ZNF385B: variants seen among roughly 807,000 people sequenced by gnomAD.
The protein encoded by ZNF385B is zinc finger protein 533.
In ZNF385B, 23 loss-of-function variants were observed where a neutral mutation model predicts 39.2. That is an observed-to-expected ratio of 0.59 (90% CI 0.42 to 0.83). ZNF385B has a LOEUF of 0.83. Among genes scored for constraint, ZNF385B ranks in the 40% least tolerant of loss-of-function variants. ZNF385B has a pLI of 0.00. For synonymous variants in ZNF385B, 205 were observed against 222.6 expected (o/e 0.92, Z 0.70); for missense variants, 552 against 598.9 (o/e 0.92, Z 0.82).
intron 3 of ZNF385B, among the ~76,000 whole-genome samples, chr2:179,708,013 T>C (rs139198782): frequency 6.6e-6 from 1 of 152,270 alleles, no homozygotes; most frequent in East Asian, 1.9e-4. Flanking sequence ...AGAGCAGTGG[T>C]TGCCAGGGTG....
chr2:179,552,457 T>C (rs536168748), intron 3 of ZNF385B, among the ~76,000 whole-genome samples: 1 of 149,448 alleles, frequency 6.7e-6, no homozygotes, highest in African/African-American at 2.5e-5. Flanking sequence ...ACTTAACGTA[T>C]TATAAAAACC....
At chr2:179,775,342 TG>T (rs777089703) in intron 1 of ZNF385B, among the ~76,000 whole-genome samples, 9 of 152,176 alleles carry the variant, frequency 5.9e-5, no homozygotes, top group African/African-American at 1.2e-4. Flanking sequence ...ATAAAAAGCT[TG>T]TAATAAACCA....
chr2:179,856,355 T>G (rs1356583403), intron 1 of ZNF385B, among the ~76,000 whole-genome samples: 1 of 152,060 alleles, frequency 6.6e-6, no homozygotes, highest in Non-Finnish European at 1.5e-5. Context: ...CTCCTCCTTC[T>G]GCCCCACGTG....
chr2:179,445,422 A>T, intron 8 of ZNF385B, 128 bp downstream of exon 8: 1 of 816,740 alleles, frequency 1.2e-6, no homozygotes, highest in East Asian at 2.7e-5. Flanking sequence ...TATGTTGCAT[A>T]TTGTCTGCAT....
chr2:179,717,902 GTTGT>G (rs1444272824), intron 3 of ZNF385B, among the ~76,000 whole-genome samples: 2 of 139,018 alleles, frequency 1.4e-5, no homozygotes, highest in African/African-American at 2.5e-5. Context: ...TACATCATAT[GTTGT>G]TTATTAGCTG....
At chr2:179,662,358 ATTT>A (rs202113925) in intron 3 of ZNF385B, among the ~76,000 whole-genome samples, 14 of 139,274 alleles carry the variant, frequency 1.0e-4, no homozygotes, top group Admixed American at 1.4e-4. Context: ...TTTATGGGTA[ATTT>A]TTTTTTTTTT....
At chr2:179,597,980 A>G (rs1688125877) in intron 3 of ZNF385B, among the ~76,000 whole-genome samples, 1 of 152,200 alleles carries the variant, frequency 6.6e-6, no homozygotes, top group African/African-American at 2.4e-5. Context: ...AAATCTTGAA[A>G]TAATTCCAAG....
chr2:179,446,518 T>C lies in ZNF385B; in HGVS notation c.961+7A>G. 3 of 1,609,798 alleles carry C rather than the reference T, an allele frequency of 1.9e-6. No individual in the cohort carries two copies. The highest frequency in any genetic ancestry group is 2.5e-6 in the Non-Finnish European group (3 of 1,178,168). The stretch of plus-strand genomic sequence containing the variant: ...ACATTATTTAAATGCAAAAGATAGC[T>C]GCTAACCTGTGTTGTGTGCCTCTAG... On this transcript the variant is annotated splice_region_variant and intron_variant, in intron 7 of 9. Coordinates refer to ENST00000410066, the MANE Select transcript of ZNF385B (RefSeq NM_152520.6).
intron 1 of ZNF385B, among the ~76,000 whole-genome samples, chr2:179,836,011 T>C (rs538060042): frequency 9.2e-5 from 14 of 152,308 alleles, no homozygotes; most frequent in Non-Finnish European, 2.1e-4. Context: ...TGGAATTCTA[T>C]TTAGCCTTAA....
At chr2:179,633,790 A>G (rs912324180) in intron 3 of ZNF385B, among the ~76,000 whole-genome samples, 1 of 152,146 alleles carries the variant, frequency 6.6e-6, no homozygotes, top group Non-Finnish European at 1.5e-5. Flanking sequence ...ACATGATTGT[A>G]TATTTAGAAG....
chr2:179,547,313 C>T (rs2060295911), intron 3 of ZNF385B, among the ~76,000 whole-genome samples: 1 of 149,376 alleles, frequency 6.7e-6, no homozygotes, highest in Admixed American at 6.7e-5. Context: ...TGGAGAATTT[C>T]CCCAATTTTT....
chr2:179,834,160 G>A (rs1232284585), intron 1 of ZNF385B, among the ~76,000 whole-genome samples: 1 of 152,050 alleles, frequency 6.6e-6, no homozygotes, highest in East Asian at 1.9e-4. Flanking sequence ...TGTGTGCACT[G>A]AATAGTACTA....
chr2:179,818,394 T>C (rs1362820453), intron 1 of ZNF385B, among the ~76,000 whole-genome samples: 1 of 152,214 alleles, frequency 6.6e-6, no homozygotes, highest in Non-Finnish European at 1.5e-5. Context: ...CAGAATGCTA[T>C]TTTTCTTTCA....
At chr2:179,820,059 ATGTGTGTGTATATG>A (rs1169719296) in intron 1 of ZNF385B, among the ~76,000 whole-genome samples, 2 of 152,068 alleles carry the variant, frequency 1.3e-5, no homozygotes, top group Non-Finnish European at 2.9e-5. Context: ...ACATGAGAAT[ATGTGTGTGTATATG>A]TGTGTGTGTA....
chr2:179,461,449 T>A (rs1235628826), intron 6 of ZNF385B, among the ~76,000 whole-genome samples: 1 of 152,200 alleles, frequency 6.6e-6, no homozygotes, highest in Non-Finnish European at 1.5e-5. Flanking sequence ...CTAGACTTAT[T>A]CATTAGGTGT....
intron 1 of ZNF385B, among the ~76,000 whole-genome samples, chr2:179,801,129 T>C (rs952477202): frequency 6.6e-6 from 1 of 152,082 alleles, no homozygotes; most frequent in African/African-American, 2.4e-5. Context: ...GTTTATTACC[T>C]AATCTCAAAA....
chr2:179,578,631 C>T (rs1686123856), intron 3 of ZNF385B, among the ~76,000 whole-genome samples: 1 of 152,092 alleles, frequency 6.6e-6, no homozygotes. Flanking sequence ...TTATTAATTG[C>T]CAATCATGAT....
chr2:179,808,432 G>A (rs1002387205), intron 1 of ZNF385B, among the ~76,000 whole-genome samples: 1 of 152,164 alleles, frequency 6.6e-6, no homozygotes, highest in African/African-American at 2.4e-5. Context: ...TGAAGAGAAA[G>A]GGATAAAGCA....
intron 3 of ZNF385B, among the ~76,000 whole-genome samples, chr2:179,643,709 G>T (rs1692467344): frequency 6.6e-6 from 1 of 152,128 alleles, no homozygotes; most frequent in Admixed American, 6.5e-5. Flanking sequence ...AAGGGTGAGG[G>T]ATGGAGAGAC....
Sources: gnomAD v4.1 joint callset for allele counts (sites outside exome capture counted in the v4.1 genomes callset) on GRCh38, gnomAD v4.1.1 for gene constraint, MANE v1.5 for transcripts, NCBI Gene and HGNC (gene_info 2026-07-23, HGNC 2026-07-21) for gene names.